The following BAIAP2L1 variants were observed in gnomAD, a reference collection of about 807,000 sequenced individuals.
BAIAP2L1 encodes BAR/IMD domain-containing adapter protein 2-like 1.
In BAIAP2L1, 35 loss-of-function variants were observed where a neutral mutation model predicts 66.3. The ratio of observed to expected loss-of-function variants is 0.53; its 90% CI spans 0.40 to 0.70. The LOEUF is 0.70. Among genes scored for constraint, BAIAP2L1 ranks in the 30% least tolerant of loss-of-function variants. The pLI is 0.00. For synonymous variants in BAIAP2L1, 269 were observed against 248.7 expected (o/e 1.08, Z -0.77); for missense variants, 622 against 656.9 (o/e 0.95, Z 0.58).
At chr7:98,385,494 C>T (rs1802864859) in intron 1 of BAIAP2L1, among the ~76,000 whole-genome samples, 1 of 152,012 alleles carries the variant, frequency 6.6e-6, no homozygotes, top group South Asian at 2.1e-4. Flanking sequence ...AATCTCTGCT[C>T]ACTGCAGCCT....
At chr7:98,348,526 C>G (rs1283498677) in intron 3 of BAIAP2L1, among the ~76,000 whole-genome samples, 2 of 146,314 alleles carry the variant, frequency 1.4e-5, no homozygotes, top group Non-Finnish European at 3.0e-5. Context: ...GAGATTGCAC[C>G]ACTGCACTTC....
rs982702472 is a variant in BAIAP2L1 at position 98,306,447 on chromosome 7, G to A, written c.1233C>T (p.Pro411=). 3 of 1,614,034 alleles carry A rather than the reference G, an allele frequency of 1.9e-6. No individual in the cohort carries two copies. In the African/African-American group the frequency reaches 4.0e-5, roughly 22 times the overall value. The part of the protein sequence containing the change: ...EENETEAVTV[P]TPSPTPVRSI... Reference sequence around the variant, plus strand: ...GCCACGTTCAGGGCTACCTTGGCGTGGGCACGGTCACTGCTTCTGTCTCAT... The same window carrying A: ...GCCACGTTCAGGGCTACCTTGGCGTAGGCACGGTCACTGCTTCTGTCTCAT... The change falls in exon 11 of 14, where the codon CCC becomes CCT. Residue 411 remains proline, a synonymous_variant. Coordinates refer to ENST00000005260, the MANE Select transcript of BAIAP2L1 (RefSeq NM_018842.5).
At chr7:98,392,355 A>T (rs1215165312) in intron 1 of BAIAP2L1, among the ~76,000 whole-genome samples, 1 of 152,060 alleles carries the variant, frequency 6.6e-6, no homozygotes, top group Non-Finnish European at 1.5e-5. Flanking sequence ...TCAAAAAAGA[A>T]GTCTACCTAA....
At chr7:98,308,169 G>A (rs1562967754) in intron 9 of BAIAP2L1, 5 of 595,138 alleles carry the variant, frequency 8.4e-6, no homozygotes, top group Admixed American at 4.3e-5. Context: ...AGGACAAGGC[G>A]GTGTGTGCCG....
intron 1 of BAIAP2L1, chr7:98,386,109 C>A: frequency 6.3e-7 from 1 of 1,589,412 alleles, no homozygotes; most frequent in Non-Finnish European, 8.5e-7. Flanking sequence ...TTTGGCGGAC[C>A]TGTTGGTGCT....
At chr7:98,339,506 C>T (rs557592882) in intron 3 of BAIAP2L1, among the ~76,000 whole-genome samples, 1 of 152,316 alleles carries the variant, frequency 6.6e-6, no homozygotes, top group Admixed American at 6.5e-5. Flanking sequence ...TAGAACCCCA[C>T]CTGCACTAAC....
intron 2 of BAIAP2L1, among the ~76,000 whole-genome samples, chr7:98,357,608 A>T (rs1301049741): frequency 6.6e-6 from 1 of 151,098 alleles, no homozygotes; most frequent in African/African-American, 2.4e-5. Context: ...TATATATATA[A>T]AAGTTATGGT....
In BAIAP2L1 at chr7:98,388,904, G is replaced by A. The variant is rs377380354; in HGVS notation, c.51+11898C>T. On this transcript the variant is annotated intron_variant, in intron 1 of 13. Coordinates refer to ENST00000005260, the MANE Select transcript of BAIAP2L1 (RefSeq NM_018842.5). ...CAGGAGGAACGCTTTAGCCTGGGAC[G>A]TTGAGGCTGCAGTGAGCCATGATCA... 5.9e-4 allele frequency among the ~76,000 whole-genome samples: 90 copies of A among 151,604 alleles called. 1 individual carries two copies. The highest frequency in any genetic ancestry group is 3.4e-3 in the Middle Eastern group (1 of 294).
chr7:98,317,402 A>G (rs765831094), intron 5 of BAIAP2L1, 46 bp from the exon 6 acceptor site: 9 of 1,605,554 alleles, frequency 5.6e-6, no homozygotes, highest in South Asian at 5.5e-5. Flanking sequence ...CACCACACGA[A>G]TTGTCACACA....
chr7:98,313,982 CTTTT>C (rs35599338), intron 7 of BAIAP2L1, among the ~76,000 whole-genome samples: 92 of 100,964 alleles, frequency 9.1e-4, no homozygotes, highest in African/African-American at 3.1e-3. Flanking sequence ...CTTTTTCTTC[CTTTT>C]TTTTTTTTTT....
At chr7:98,400,454 T>C (rs1584515121) in intron 1 of BAIAP2L1, 5 of 192,428 alleles carry the variant, frequency 2.6e-5, no homozygotes, top group Admixed American at 1.2e-4. Context: ...GGAGGGACAG[T>C]GTCGAGGGGC....
At chr7:98,356,147 A>C (rs1395247692) in intron 2 of BAIAP2L1, among the ~76,000 whole-genome samples, 3 of 152,156 alleles carry the variant, frequency 2.0e-5, no homozygotes, top group African/African-American at 7.2e-5. Context: ...CCAGGGGCAA[A>C]TTACTTACCC....
chr7:98,334,926 G>T (rs1387050789), intron 3 of BAIAP2L1, among the ~76,000 whole-genome samples: 1 of 148,494 alleles, frequency 6.7e-6, no homozygotes, highest in Non-Finnish European at 1.5e-5. Flanking sequence ...GAGGCAGGTG[G>T]ATCACGAGAT....
chr7:98,399,805 G>A (rs1016637096), intron 1 of BAIAP2L1, among the ~76,000 whole-genome samples: 1 of 152,166 alleles, frequency 6.6e-6, no homozygotes, highest in African/African-American at 2.4e-5. Flanking sequence ...TTAAGAGACC[G>A]GCTATCAACG....
At chr7:98,369,660 C>T (rs904200134) in intron 1 of BAIAP2L1, among the ~76,000 whole-genome samples, 1 of 137,528 alleles carries the variant, frequency 7.3e-6, no homozygotes, top group African/African-American at 2.7e-5. Flanking sequence ...ATTTGATTTC[C>T]TAATTTTTTT....
Position 98,401,060 on chromosome 7 carries a change from GCAGAGGAGAAGCGGCCGGACGCCGC to G in BAIAP2L1, c.-233_-209del. The stretch of plus-strand genomic sequence containing the variant: ...GCGCCGCCCTGGCCTTCTTCGAGGA[GCAGAGGAGAAGCGGCCGGACGCCGC>G]CAGAGGAAGCTGGGCGGGCCGGGCG... On this transcript the variant is annotated 5_prime_UTR_variant, in exon 1 of 14. Transcript: ENST00000005260. The G allele has an allele frequency of 2.5e-6, 1 of 401,544 alleles. No individual in the cohort carries two copies. Among genetic ancestry groups the G allele is most frequent in the Non-Finnish European group, 4.2e-6 (1 of 236,040 alleles). 24.9% of individuals were successfully genotyped at this position (401,544 alleles called of 1,614,324 possible).
At chr7:98,353,448 A>G (rs1192371988) in intron 3 of BAIAP2L1, among the ~76,000 whole-genome samples, 1 of 136,962 alleles carries the variant, frequency 7.3e-6, no homozygotes, top group Non-Finnish European at 1.5e-5. Flanking sequence ...AAATATATAT[A>G]CATACATATT....
rs1039435110 is a variant in BAIAP2L1 at position 98,320,261 on chromosome 7, T to A, written c.252A>T (p.Lys84Asn). The A allele has an allele frequency of 3.1e-6, 5 of 1,609,782 alleles. No individual in the cohort carries two copies. Among genetic ancestry groups the A allele is most frequent in the Non-Finnish European group, 4.2e-6 (5 of 1,177,238 alleles). Residue 84 changes from lysine to asparagine, a missense_variant, in exon 4 of 14, where the codon AAA becomes AAT. By Grantham distance (94) the Lys-to-Asn change is moderately conservative. Transcript: ENST00000005260. ...CATTTTCATCAAGACTCTCGTTGAG[T>A]TTCTTGTGGGTACTTGAAATCTCTA... is the stretch of plus-strand genomic sequence containing the variant. ...VLIEISSTHK[K>N]LNESLDENFK...
At chr7:98,340,864 A>G (rs1414856895) in intron 3 of BAIAP2L1, among the ~76,000 whole-genome samples, 1 of 146,752 alleles carries the variant, frequency 6.8e-6, no homozygotes, top group African/African-American at 2.5e-5. Flanking sequence ...GTGTGACCTC[A>G]GCTCACCTCC....
Sources: allele counts gnomAD v4.1 joint callset (sites outside exome capture counted in the v4.1 genomes callset), GRCh38; gene constraint gnomAD v4.1.1; transcripts MANE v1.5; gene names NCBI Gene and HGNC (gene_info 2026-07-23, HGNC 2026-07-21).